Variants in SULF1 observed in about 807,000 individuals in gnomAD.
SULF1 encodes sulfatase 1, also known as extracellular sulfatase Sulf-1.
Under a neutral mutation model 110.5 loss-of-function variants are expected in SULF1, and 46 were observed. The ratio of observed to expected loss-of-function variants is 0.42; its 90% CI spans 0.33 to 0.53. The LOEUF (loss-of-function observed/expected upper bound fraction) is 0.53. Ranked by LOEUF, SULF1 falls within the 20% of genes least tolerant of loss-of-function variation. The pLI is 0.12. For synonymous variants in SULF1, 371 were observed against 387.1 expected, an observed-to-expected ratio of 0.96 and a Z score of 0.49; for missense variants, 941 against 1,094.2, an observed-to-expected ratio of 0.86 and a Z score of 1.98.
At chr8:69,620,717 C>T (rs978989002) in intron 13 of SULF1, among the ~76,000 whole-genome samples, 1 of 152,168 alleles carries the variant, frequency 6.6e-6, no homozygotes, top group Non-Finnish European at 1.5e-5. Context: ...GGTGAACTAA[C>T]GGCTTTTACG....
chr8:69,619,512 CTT>C (rs910964611), intron 13 of SULF1, among the ~76,000 whole-genome samples: 2 of 152,224 alleles, frequency 1.3e-5, no homozygotes, highest in African/African-American at 2.4e-5. Flanking sequence ...TGCAAGGACA[CTT>C]AGTCCAGAGG....
intron 3 of SULF1, among the ~76,000 whole-genome samples, chr8:69,538,013 T>C (rs1269303062): frequency 3.3e-5 from 5 of 151,726 alleles, no homozygotes; most frequent in African/African-American, 1.2e-4. Flanking sequence ...CAGGCTGTCG[T>C]GCAGTGGCGC....
chr8:69,627,701 G>A (rs552940841), intron 16 of SULF1, 71 bp from the exon 17 acceptor site: 187 of 1,023,470 alleles, frequency 1.8e-4, no homozygotes, highest in Non-Finnish European at 2.3e-4. Context: ...AGAAAACAAG[G>A]TGAAAAGAAA....
At chr8:69,656,163 A>G (rs1229828033) in intron 22 of SULF1, among the ~76,000 whole-genome samples, 8 of 152,164 alleles carry the variant, frequency 5.3e-5, no homozygotes, top group African/African-American at 1.7e-4. Flanking sequence ...TGGCTTTTCC[A>G]TCCTCATATG....
chr8:69,647,823 C>T (rs941653584), intron 22 of SULF1, among the ~76,000 whole-genome samples: 2 of 151,754 alleles, frequency 1.3e-5, no homozygotes, highest in Admixed American at 6.6e-5. Context: ...ACCCAGGAGG[C>T]GGAGGTTGCA....
At chr8:69,580,708 A>G (rs1226661280) in intron 6 of SULF1, among the ~76,000 whole-genome samples, 1 of 152,200 alleles carries the variant, frequency 6.6e-6, no homozygotes, top group African/African-American at 2.4e-5. Context: ...AATCACATGA[A>G]TTCTACCTCA....
intron 3 of SULF1, among the ~76,000 whole-genome samples, chr8:69,542,080 T>G (rs984375595): frequency 2.6e-5 from 4 of 152,178 alleles, no homozygotes; most frequent in Admixed American, 6.5e-5. Context: ...TTTAAAGGTC[T>G]GGAGGATAGG....
intron 3 of SULF1, among the ~76,000 whole-genome samples, chr8:69,514,330 G>A (rs1811779422): frequency 6.6e-6 from 1 of 152,158 alleles, no homozygotes; most frequent in Non-Finnish European, 1.5e-5. Context: ...GGCTGGAGCA[G>A]GAGAAAGGGA....
intron 13 of SULF1, among the ~76,000 whole-genome samples, chr8:69,607,013 A>C (rs1161271500): frequency 1.3e-5 from 2 of 152,202 alleles, no homozygotes; most frequent in Non-Finnish European, 2.9e-5. Context: ...AGTATTTCAG[A>C]TTGTCTCTAG....
intron 3 of SULF1, among the ~76,000 whole-genome samples, chr8:69,555,350 T>C (rs1320843359): frequency 6.6e-6 from 1 of 152,120 alleles, no homozygotes; most frequent in African/African-American, 2.4e-5. Flanking sequence ...GGCAGTGAAC[T>C]TGATGGCATA....
chr8:69,576,179 G>C lies in SULF1; in HGVS notation c.382G>C (p.Val128Leu), dbSNP rs1805597970. The change falls in exon 6 of 23, where the codon GTA becomes CTA. Residue 128 changes from valine to leucine, a missense_variant. By Grantham distance (32) the Val-to-Leu change is conservative. This residue lies in a region of SULF1 where 822 missense variants were observed against 934.3 expected (regional missense o/e 0.88). Transcript: ENST00000402687. ...QAMHEPRTFA[V>L]YLNNTGYRTA... The stretch of plus-strand genomic sequence containing the variant: ...CATGCATGAGCCTCGGACTTTTGCT[G>C]TATATCTTAACAACACTGGCTACAG... The C allele has an allele frequency of 6.2e-7, 1 of 1,614,052 alleles. No homozygotes were observed. The highest frequency in any genetic ancestry group is 8.5e-7 in the Non-Finnish European group (1 of 1,180,036).
intron 8 of SULF1, among the ~76,000 whole-genome samples, 160 bp downstream of exon 8, chr8:69,589,301 G>A (rs16936135): frequency 0.04 from 6,133 of 152,240 alleles, 423 homozygotes; most frequent in African/African-American, 0.14. Context: ...AGGCAGAGCC[G>A]CTGAGCCTGA....
At chr8:69,605,002 A>G in intron 13 of SULF1, 70 bp downstream of exon 13, 2 of 1,586,616 alleles carry the variant, frequency 1.3e-6, no homozygotes, top group South Asian at 1.1e-5. Flanking sequence ...AATTGTCCAC[A>G]TATAAAAGAA....
chr8:69,634,751 A>AAG (rs376470722), intron 19 of SULF1, among the ~76,000 whole-genome samples: 1 of 152,168 alleles, frequency 6.6e-6, no homozygotes, highest in African/African-American at 2.4e-5. Flanking sequence ...AAGAAAAAAA[A>AAG]AGAGAGAGAG....
intron 3 of SULF1, among the ~76,000 whole-genome samples, chr8:69,525,421 T>C (rs909059494): frequency 2.0e-5 from 3 of 152,206 alleles, no homozygotes; most frequent in Non-Finnish European, 4.4e-5. Context: ...ATTATGTCTT[T>C]GCCCATGGTG....
At chr8:69,556,471 C>A (rs1380298579) in intron 3 of SULF1, among the ~76,000 whole-genome samples, 2 of 152,228 alleles carry the variant, frequency 1.3e-5, no homozygotes, top group East Asian at 3.9e-4. Flanking sequence ...CTGGGCAGAG[C>A]AGAGTTCTCT....
At chr8:69,513,140 G>A (rs1040941442) in intron 3 of SULF1, among the ~76,000 whole-genome samples, 2 of 152,134 alleles carry the variant, frequency 1.3e-5, no homozygotes, top group East Asian at 3.8e-4. Flanking sequence ...AATGTTCATT[G>A]TTAATTTAAA....
At chr8:69,538,185 C>T (rs1813576297) in intron 3 of SULF1, among the ~76,000 whole-genome samples, 1 of 150,364 alleles carries the variant, frequency 6.7e-6, no homozygotes, top group African/African-American at 2.4e-5. Flanking sequence ...ATGTCAAATA[C>T]TTTTATACTT....
rs181663351 is a variant in SULF1 at position 69,515,861 on chromosome 8, C to A, written c.-134+13893C>A. ...TTCTAGAGCAAGGGTGCAATGCCAC[C>A]AGTCTCTTTGCTAAAGCATAGCAAG... On this transcript the variant is annotated intron_variant, in intron 3 of 22. Transcript: ENST00000402687. Among the ~76,000 whole-genome samples, 354 of 152,322 alleles carry A rather than the reference C, an allele frequency of 2.3e-3. 1 individual carries two copies. The highest frequency in any genetic ancestry group is 7.8e-3 in the African/African-American group (326 of 41,572).
Sources: gnomAD v4.1 joint callset for allele counts (sites outside exome capture counted in the v4.1 genomes callset) on GRCh38, gnomAD v4.1.1 for gene constraint, gnomAD v4.1.1 regional missense constraint, MANE v1.5 for transcripts, NCBI Gene and HGNC (gene_info 2026-07-23, HGNC 2026-07-21) for gene names.